The following FADS1 variants were observed in gnomAD, a reference collection of about 807,000 sequenced individuals.
FADS1 encodes acyl-CoA (8-3)-desaturase.
Under a neutral mutation model 61.6 loss-of-function variants are expected in FADS1, and 17 were observed. The observed-to-expected ratio is 0.28, with a 90% CI of 0.19 to 0.41. The LOEUF (loss-of-function observed/expected upper bound fraction) is 0.41. Among genes scored for constraint, FADS1 ranks in the 10% least tolerant of loss-of-function variants. FADS1 has a pLI of 1.00. For synonymous variants in FADS1, 238 were observed against 258.7 expected, an observed-to-expected ratio of 0.92 and a Z score of 0.77; for missense variants, 387 against 650.9, an observed-to-expected ratio of 0.59 and a Z score of 4.41.
chr11:61,811,757 C>T (rs2135939302), intron 3 of FADS1: 1 of 328,624 alleles, frequency 3.0e-6, no homozygotes, highest in Admixed American at 3.7e-5. Flanking sequence ...TCCCAGCTAA[C>T]TGTTGTATTT....
In FADS1 at chr11:61,810,885, GA is replaced by G. The variant is rs1304763606; in HGVS notation, c.787-7del. 1 of 1,614,198 alleles carries G rather than the reference GA, an allele frequency of 6.2e-7. No individual in the cohort carries two copies. Among genetic ancestry groups the G allele is most frequent in the Admixed American group, 1.7e-5 (1 of 60,024 alleles). ...CACCAACTGGCGGGGGCCCCCTACA[GA>G]AAAGCAGGGACACGAGTATGAAAAG... On this transcript the variant is annotated splice_region_variant and splice_polypyrimidine_tract_variant and intron_variant, in intron 4 of 11. Transcript: ENST00000350997.
Position 61,816,229 on chromosome 11 carries a change from A to G in FADS1, c.375+326T>C. 6.3e-7 allele frequency: 1 copy of G among 1,591,594 alleles called. No homozygotes were observed. Among genetic ancestry groups the G allele is most frequent in the East Asian group, 2.2e-5 (1 of 44,814 alleles). On this transcript the variant is annotated intron_variant, in intron 1 of 11. Coordinates refer to ENST00000350997, the MANE Select transcript of FADS1 (RefSeq NM_013402.7). This position sits in a 1 kb window ranked among gnomAD's most constrained non-coding sequence, Gnocchi z 7.0. ...TCCTTGCTCTCCTCCCTCCTAGCCT[A>G]CCCAGCTCGGGGTTCTGTCCCCGCC...
chr11:61,815,562 G>C lies in FADS1; in HGVS notation c.375+993C>G, dbSNP rs2066973967. 1 of 152,968 alleles carries C rather than the reference G, an allele frequency of 6.5e-6. No homozygotes were observed. The highest frequency in any genetic ancestry group is 6.5e-5 in the Admixed American group (1 of 15,324). The allele number at this position is 152,968 out of a possible 1,614,324, so 9.5% of individuals were successfully genotyped here. On this transcript the variant is annotated intron_variant, in intron 1 of 11. Coordinates refer to ENST00000350997, the MANE Select transcript of FADS1 (RefSeq NM_013402.7). This position sits in a 1 kb window ranked among gnomAD's most constrained non-coding sequence, Gnocchi z 6.4. ...ATCAGAGGGGGATGCAAGGGGAGGG[G>C]ACGCCATTCTGGCCGCCAAGGGGGA...
Position 61,816,708 on chromosome 11 carries a change from C to T in FADS1, c.222G>A (p.Pro74=). The T allele has an allele frequency of 6.3e-7, 1 of 1,575,862 alleles. No individual in the cohort carries two copies. The highest frequency in any genetic ancestry group is 1.3e-5 in the African/African-American group (1 of 74,372). The change falls in exon 1 of 12, where the codon CCG becomes CCA. Residue 74 remains proline, a synonymous_variant. Transcript: ENST00000350997. This position sits in a 1 kb window ranked among gnomAD's most constrained non-coding sequence, Gnocchi z 7.0. ...CCACCTCGTCCCAGGTGAAGTAGCGCGGGGTAGGTCCCTGAGCCGCGGTCT... is the reference window on the plus strand; with the variant it reads ...CCACCTCGTCCCAGGTGAAGTAGCGTGGGGTAGGTCCCTGAGCCGCGGTCT... The part of the protein sequence containing the change: ...AAETAAQGPT[P]RYFTWDEVAQ...
chr11:61,806,271 C>T (rs868267100), intron 6 of FADS1: 17 of 164,508 alleles, frequency 1.0e-4, no homozygotes, highest in South Asian at 3.2e-4. Flanking sequence ...ACCCGGGAAG[C>T]GGAGAGCTTG....
In FADS1 at chr11:61,809,344, T is replaced by TA. The variant is rs1195978368; in HGVS notation, c.915+1406dup. On this transcript the variant is annotated intron_variant, in intron 5 of 11. Coordinates refer to ENST00000350997, the MANE Select transcript of FADS1 (RefSeq NM_013402.7). The stretch of plus-strand genomic sequence containing the variant: ...AATTTTTTTTTGGTTTTAATCTTTT[T>TA]AAAAAATTATTATTTTTACACACAG... 1.5e-4 allele frequency among the ~76,000 whole-genome samples: 23 copies of TA among 152,308 alleles called. No homozygotes were observed. In the East Asian group the frequency reaches 3.3e-3, roughly 22 times the overall value.
chr11:61,816,179 C>G lies in FADS1; in HGVS notation c.375+376G>C, dbSNP rs1043430343. ...GTGACTCCCTCCCCTGGCCACTGACCCCCTCCCTCCCCAGGCGGCCTGCAT... is the reference window on the plus strand; with the variant it reads ...GTGACTCCCTCCCCTGGCCACTGACGCCCTCCCTCCCCAGGCGGCCTGCAT... On this transcript the variant is annotated intron_variant, in intron 1 of 11. Transcript: ENST00000350997. The surrounding 1 kb of genome is among the most constrained non-coding windows in gnomAD (Gnocchi z 7.0). The G allele has an allele frequency of 2.2e-6, 3 of 1,357,786 alleles. No individual in the cohort carries two copies. The highest frequency in any genetic ancestry group is 2.1e-5 in the Admixed American group (1 of 48,278). 84.1% of individuals were successfully genotyped at this position (1,357,786 alleles called of 1,614,324 possible).
chr11:61,809,190 C>G (rs1471334727), intron 5 of FADS1, among the ~76,000 whole-genome samples: 1 of 152,100 alleles, frequency 6.6e-6, no homozygotes, highest in Non-Finnish European at 1.5e-5. Flanking sequence ...CAGTGTTGGC[C>G]CTTTTCATCA....
At chr11:61,809,763 G>T (rs561489773) in intron 5 of FADS1, among the ~76,000 whole-genome samples, 1 of 152,250 alleles carries the variant, frequency 6.6e-6, no homozygotes, top group Admixed American at 6.5e-5. Flanking sequence ...TGACCATAAT[G>T]GTATCGGACA....
chr11:61,802,221 C>T lies in FADS1; in HGVS notation c.*190G>A, dbSNP rs2066860193. ...CCTTCCCTCCTAGGGACTTCTGTGT[C>T]CACCCCCCACTTTGGGTCTTAGAAC... is the stretch of plus-strand genomic sequence containing the variant. On this transcript the variant is annotated 3_prime_UTR_variant, in exon 12 of 12. Transcript: ENST00000350997. The surrounding 1 kb of genome is among the most constrained non-coding windows in gnomAD (Gnocchi z 4.2). The T allele has an allele frequency of 1.6e-6, 1 of 608,168 alleles. No individual in the cohort carries two copies. The highest frequency in any genetic ancestry group is 2.7e-5 in the Admixed American group (1 of 37,158). 37.7% of individuals were successfully genotyped at this position (608,168 alleles called of 1,614,324 possible).
rs1412480833 is a variant in FADS1 at position 61,800,542 on chromosome 11, A to G, written c.*1869T>C. On this transcript the variant is annotated 3_prime_UTR_variant, in exon 12 of 12. Coordinates refer to ENST00000350997, the MANE Select transcript of FADS1 (RefSeq NM_013402.7). The stretch of plus-strand genomic sequence containing the variant: ...AACCTTCCATGTCTTTTTGTTGACA[A>G]ACCTCTAACCTTCCATGTCTTTGTG... 6.6e-6 allele frequency: 1 copy of G among 152,320 alleles called. No individual in the cohort carries two copies. Among genetic ancestry groups the G allele is most frequent in the South Asian group, 2.1e-4 (1 of 4,828 alleles). The allele number at this position is 152,320 out of a possible 1,614,324, so 9.4% of individuals were successfully genotyped here.
At position 61,810,956 on chromosome 11, in the gene FADS1, C is replaced by T; in HGVS notation, c.786+18G>A. ...TCATTGCCTGGAGTTTTAGAGAGCT[C>T]CTCCCCATCCCACTGACCTTCAGGT... On this transcript the variant is annotated intron_variant, in intron 4 of 11. Coordinates refer to ENST00000350997, the MANE Select transcript of FADS1 (RefSeq NM_013402.7). 1 of 1,613,986 alleles carries T rather than the reference C, an allele frequency of 6.2e-7. No homozygotes were observed. Among genetic ancestry groups the T allele is most frequent in the Non-Finnish European group, 8.5e-7 (1 of 1,179,856 alleles).
intron 4 of FADS1, 47 bp downstream of exon 4, chr11:61,810,927 C>T: frequency 1.2e-6 from 2 of 1,614,092 alleles, no homozygotes; most frequent in Non-Finnish European, 1.7e-6. Context: ...CCCAAGGCAG[C>T]CCTTCATTGC....
At position 61,816,952 on chromosome 11, in the gene FADS1, G is replaced by T; in HGVS notation, c.-23C>A. Reference sequence around the variant, plus strand: ...CATTGGCCGAGCCTCGTGGCGCGGGGAGCGAGATCCCGTCCCCCGGTGGGT... The same window carrying T: ...CATTGGCCGAGCCTCGTGGCGCGGGTAGCGAGATCCCGTCCCCCGGTGGGT... On this transcript the variant is annotated 5_prime_UTR_variant, in exon 1 of 12. Transcript: ENST00000350997. The surrounding 1 kb of genome is among the most constrained non-coding windows in gnomAD (Gnocchi z 7.0). The T allele has an allele frequency of 7.3e-7, 1 of 1,374,946 alleles. No homozygotes were observed. Among genetic ancestry groups the T allele is most frequent in the South Asian group, 1.7e-5 (1 of 60,014 alleles). The allele number at this position is 1,374,946 out of a possible 1,614,324, so 85.2% of individuals were successfully genotyped here.
chr11:61,811,802 G>A (rs1475652776), intron 3 of FADS1: 1 of 409,760 alleles, frequency 2.4e-6, no homozygotes, highest in South Asian at 1.7e-5. Context: ...TTGGCCAGGT[G>A]GTCTTGAACT....
chr11:61,809,500 G>C (rs777365709), intron 5 of FADS1, among the ~76,000 whole-genome samples: 1 of 152,072 alleles, frequency 6.6e-6, no homozygotes, highest in Admixed American at 6.5e-5. Flanking sequence ...TGCCAACTGC[G>C]TCCCTTCATT....
At position 61,816,467 on chromosome 11, in the gene FADS1, G is replaced by A. The variant is rs1266044709; in HGVS notation, c.375+88C>T. The A allele has an allele frequency of 6.2e-7, 1 of 1,600,974 alleles. No individual in the cohort carries two copies. The highest frequency in any genetic ancestry group is 8.5e-7 in the Non-Finnish European group (1 of 1,179,612). On this transcript the variant is annotated intron_variant, in intron 1 of 11. Transcript: ENST00000350997. The surrounding 1 kb of genome is among the most constrained non-coding windows in gnomAD (Gnocchi z 7.0). ...TCCGGGCTTTCCTCCGAATTAGTCG[G>A]TGTTTGGCTCGGAGTGCGTAACTCT...
intron 5 of FADS1, among the ~76,000 whole-genome samples, chr11:61,808,255 G>C (rs2066907257): frequency 6.6e-6 from 1 of 151,842 alleles, no homozygotes; most frequent in Non-Finnish European, 1.5e-5. Context: ...AGAATCTCTT[G>C]AACTCGGGAG....
chr11:61,811,705 T>C, intron 3 of FADS1: 2 of 289,012 alleles, frequency 6.9e-6, no homozygotes, highest in Non-Finnish European at 1.4e-5. Flanking sequence ...TTCTCCTGCC[T>C]CAGCCTCCCA....
Sources: gnomAD v4.1 joint callset for allele counts (sites outside exome capture counted in the v4.1 genomes callset) on GRCh38, gnomAD v4.1.1 for gene constraint, Gnocchi (gnomAD v3.1) non-coding constraint, MANE v1.5 for transcripts, NCBI Gene and HGNC (gene_info 2026-07-23, HGNC 2026-07-21) for gene names.